The following PPP6C variants were observed in gnomAD, a reference collection of about 807,000 sequenced individuals.
PPP6C encodes serine/threonine-protein phosphatase 6 catalytic subunit.
Under a neutral mutation model 39.8 loss-of-function variants are expected in PPP6C, and 11 were observed. The observed-to-expected ratio is 0.28, with a 90% CI of 0.17 to 0.46. The LOEUF (loss-of-function observed/expected upper bound fraction) is 0.46. Ranked by LOEUF, PPP6C falls within the 20% of genes least tolerant of loss-of-function variation. The pLI is 1.00. For synonymous variants in PPP6C, 129 were observed against 130.3 expected (o/e 0.99, Z 0.07); for missense variants, 211 against 373.9 (o/e 0.56, Z 3.59).
chr9:125,182,692 T>C (rs1228256349), intron 1 of PPP6C, among the ~76,000 whole-genome samples: 1 of 150,610 alleles, frequency 6.6e-6, no homozygotes, highest in East Asian at 1.9e-4. Flanking sequence ...TAATTATTCA[T>C]TGCAGGGGAC....
chr9:125,163,714 C>G (rs1046081524), intron 2 of PPP6C, among the ~76,000 whole-genome samples: 31 of 152,174 alleles, frequency 2.0e-4, no homozygotes, highest in African/African-American at 7.2e-4. Context: ...CAGGCGTGAG[C>G]CACTACGCCT....
At chr9:125,186,759 C>T (rs1034837690) in intron 1 of PPP6C, among the ~76,000 whole-genome samples, 2 of 147,072 alleles carry the variant, frequency 1.4e-5, no homozygotes, top group African/African-American at 5.1e-5. Flanking sequence ...GCTCCCCCAC[C>T]AAAAAAAAGA....
rs1829630368 is a variant in PPP6C at position 125,189,772 on chromosome 9, G to A, written c.-54C>T. Reference sequence around the variant, plus strand: ...GGCGGCGGCGGCTGTAGCAGCGGCGGCGGCAGCGGCGGAGGCCGAAGCCGG... The same window carrying A: ...GGCGGCGGCGGCTGTAGCAGCGGCGACGGCAGCGGCGGAGGCCGAAGCCGG... On this transcript the variant is annotated 5_prime_UTR_variant, in exon 1 of 7. Transcript: ENST00000373547. 6.5e-7 allele frequency: 1 copy of A among 1,537,990 alleles called. No individual in the cohort carries two copies. The highest frequency in any genetic ancestry group is 2.4e-5 in the East Asian group (1 of 41,026).
chr9:125,154,109 C>T, intron 4 of PPP6C, 124 bp from the exon 5 acceptor site: 1 of 728,360 alleles, frequency 1.4e-6, no homozygotes, highest in South Asian at 1.8e-5. Flanking sequence ...CAAGATATGA[C>T]ACATATTTAG....
intron 2 of PPP6C, among the ~76,000 whole-genome samples, chr9:125,167,986 T>C (rs988447744): frequency 6.6e-6 from 1 of 152,136 alleles, no homozygotes; most frequent in East Asian, 1.9e-4. Context: ...TTCTAAAGGA[T>C]TGAGAGTTAA....
At chr9:125,161,128 T>C (rs774474807) in intron 2 of PPP6C, among the ~76,000 whole-genome samples, 8 of 152,338 alleles carry the variant, frequency 5.3e-5, no homozygotes, top group African/African-American at 1.9e-4. Context: ...ATTATTATCA[T>C]AGGATTCCCT....
rs1027379769 is a variant in PPP6C, at chr9:125,146,752, A to G, written c.*2921T>C. 1.3e-5 allele frequency: 2 copies of G among 152,310 alleles called. No individual in the cohort carries two copies. The highest frequency in any genetic ancestry group is 4.8e-5 in the African/African-American group (2 of 41,578). The allele number at this position is 152,310 out of a possible 1,614,324, so 9.4% of individuals were successfully genotyped here. A position where few individuals can be genotyped will look rare whatever the true frequency, so the allele number is the denominator to read the frequency against. On this transcript the variant is annotated 3_prime_UTR_variant, in exon 7 of 7. Transcript: ENST00000373547. ...AGGTGCTTTACAAACATTAGCATTT[A>G]AAAAACAATTACATTTAAAAATCTG... is the stretch of plus-strand genomic sequence containing the variant.
chr9:125,152,530 A>G (rs1023391200), intron 6 of PPP6C, among the ~76,000 whole-genome samples: 1 of 152,050 alleles, frequency 6.6e-6, no homozygotes, highest in Non-Finnish European at 1.5e-5. Context: ...TGTTAAAAAG[A>G]AAAAAAAGAT....
At chr9:125,177,613 C>T (rs1200031422) in intron 1 of PPP6C, among the ~76,000 whole-genome samples, 2 of 152,106 alleles carry the variant, frequency 1.3e-5, no homozygotes, top group Non-Finnish European at 2.9e-5. Flanking sequence ...CCACAGCCTC[C>T]CCGCATCAAC....
At chr9:125,154,016 T>C in intron 4 of PPP6C, 31 bp from the exon 5 acceptor site, 2 of 1,459,856 alleles carry the variant, frequency 1.4e-6, no homozygotes, top group Non-Finnish European at 1.9e-6. Context: ...TTTTAATTAA[T>C]GAATCTGCTA....
In PPP6C at chr9:125,160,987, A is replaced by T. The variant is rs1429647260; in HGVS notation, c.172-81T>A. ...ACAAAACTGAGAGTGAAATGTGTAA[A>T]GAAGCAGCTAAGAGGACTCCAAATA... On this transcript the variant is annotated intron_variant, in intron 2 of 6. Transcript: ENST00000373547. 5.1e-6 allele frequency: 5 copies of T among 976,746 alleles called. No homozygotes were observed. The Admixed American group carries it at 1.1e-4, about 21-fold the overall frequency. 60.5% of individuals were successfully genotyped at this position (976,746 alleles called of 1,614,324 possible).
At chr9:125,150,743 T>C in intron 6 of PPP6C, 1 of 753,924 alleles carries the variant, frequency 1.3e-6, no homozygotes, top group East Asian at 3.9e-5. Context: ...AGGCAGTGAT[T>C]GAGAAATTCA....
At chr9:125,156,775 C>CTT (rs1173687097) in intron 4 of PPP6C, among the ~76,000 whole-genome samples, 2 of 149,732 alleles carry the variant, frequency 1.3e-5, no homozygotes, top group African/African-American at 5.0e-5. Flanking sequence ...CTCTCTCTCT[C>CTT]TTTCAACCAA....
At chr9:125,189,576 G>A (rs780294256) in intron 1 of PPP6C, 68 bp downstream of exon 1, 3 of 1,606,342 alleles carry the variant, frequency 1.9e-6, no homozygotes, top group Admixed American at 1.7e-5. Context: ...CGGGGGTCCT[G>A]GAGAAAGGAA....
chr9:125,167,023 T>C (rs1397313760), intron 2 of PPP6C, among the ~76,000 whole-genome samples: 1 of 152,078 alleles, frequency 6.6e-6, no homozygotes, highest in Non-Finnish European at 1.5e-5. Context: ...CCTTAGCCTC[T>C]TGAGGAGCTA....
At chr9:125,151,309 T>C in intron 6 of PPP6C, 4 of 1,474,762 alleles carry the variant, frequency 2.7e-6, no homozygotes, top group South Asian at 1.1e-5. Context: ...TGGTTGACAC[T>C]TGTGGCACAA....
intron 1 of PPP6C, among the ~76,000 whole-genome samples, chr9:125,185,722 C>T (rs1177894818): frequency 6.6e-6 from 1 of 151,470 alleles, no homozygotes; most frequent in Non-Finnish European, 1.5e-5. Flanking sequence ...GCCAGGCTCA[C>T]ACCTATAATC....
chr9:125,171,004 GTTTT>G, intron 2 of PPP6C, 77 bp downstream of exon 2: 2 of 909,696 alleles, frequency 2.2e-6, no homozygotes, highest in Non-Finnish European at 3.1e-6. Flanking sequence ...TGTTGTTGTT[GTTTT>G]AATTTTGCAG....
intron 2 of PPP6C, among the ~76,000 whole-genome samples, chr9:125,166,833 A>G (rs1829025064): frequency 6.6e-6 from 1 of 152,114 alleles, no homozygotes; most frequent in Non-Finnish European, 1.5e-5. Context: ...CTTTTCCTTG[A>G]GTAAACTATC....
Sources: allele counts gnomAD v4.1 joint callset (sites outside exome capture counted in the v4.1 genomes callset), GRCh38; gene constraint gnomAD v4.1.1; transcripts MANE v1.5; gene names NCBI Gene and HGNC (gene_info 2026-07-23, HGNC 2026-07-21).